DPP10: variants seen among roughly 807,000 people sequenced by gnomAD.
The protein encoded by DPP10 is inactive dipeptidyl peptidase 10.
DPP10 carries 33 observed loss-of-function variants against 120.9 expected under a neutral mutation model. That is an observed-to-expected ratio of 0.27 (90% confidence interval 0.21 to 0.37). The LOEUF is 0.37. Among genes scored for constraint, DPP10 ranks in the 10% least tolerant of loss-of-function variants. DPP10 has a pLI of 1.00. For synonymous variants in DPP10, 337 were observed against 326.1 expected (o/e 1.03, Z -0.36); for missense variants, 816 against 942.8 (o/e 0.87, Z 1.76).
At chr2:115,457,712 A>C (rs1574905764) in intron 3 of DPP10, among the ~76,000 whole-genome samples, 1 of 152,082 alleles carries the variant, frequency 6.6e-6, no homozygotes, top group South Asian at 2.1e-4. Flanking sequence ...ACCTTTATGC[A>C]TTGCTGGTGG....
chr2:114,917,490 G>A lies in DPP10; in HGVS notation c.61-391749G>A, dbSNP rs147142987. On this transcript the variant is annotated intron_variant, in intron 1 of 25. Transcript: ENST00000410059. ...TATTCTAAAACTGAAACCAAAAAAG[G>A]AGCCTGAATAGCCAAAGCAATCCTC... Among the ~76,000 whole-genome samples the A allele has an allele frequency of 2.6e-4, 40 of 152,024 alleles. 1 individual carries two copies. In the East Asian group the frequency reaches 6.2e-3, roughly 24 times the overall value.
intron 3 of DPP10, among the ~76,000 whole-genome samples, chr2:115,376,566 T>G (rs2106432861): frequency 6.6e-6 from 1 of 151,748 alleles, no homozygotes; most frequent in South Asian, 2.1e-4. Context: ...TTATTATTAT[T>G]ATACTTTAAG....
At chr2:114,957,265 G>A (rs1447401307) in intron 1 of DPP10, among the ~76,000 whole-genome samples, 4 of 151,652 alleles carry the variant, frequency 2.6e-5, no homozygotes, top group African/African-American at 7.3e-5. Context: ...AAATGGGCAA[G>A]GGATCTGAAC....
chr2:115,836,166 G>T lies in DPP10; in HGVS notation c.1960G>T (p.Gly654Cys). The T allele has an allele frequency of 6.3e-7, 1 of 1,592,488 alleles. No homozygotes were observed. The stretch of plus-strand genomic sequence containing the variant: ...TATTTTTCCCCCCCAGGGTTATGGT[G>T]GCTATATTGCATCAATGATCTTAAA... ...RLSIFGKGYG[G>C]YIASMILKSD... Residue 654 changes from glycine to cysteine, a missense_variant, in exon 22 of 26, where the codon GGC becomes TGC. Transcript: ENST00000410059.
intron 2 of DPP10, among the ~76,000 whole-genome samples, chr2:115,338,013 ATAAGTTCCAGGGGC>A (rs2063248265): frequency 6.6e-6 from 1 of 152,040 alleles, no homozygotes; most frequent in Admixed American, 6.6e-5. Flanking sequence ...TGGTTTTAGA[ATAAGTTCCAGGGGC>A]AATTGGAGTT....
chr2:114,761,410 G>A (rs1680269930), intron 1 of DPP10, among the ~76,000 whole-genome samples: 1 of 152,136 alleles, frequency 6.6e-6, no homozygotes, highest in African/African-American at 2.4e-5. Context: ...TTCCAGAATA[G>A]TAGAGGCACT....
intron 7 of DPP10, among the ~76,000 whole-genome samples, chr2:115,724,715 G>A (rs2092725646): frequency 6.6e-6 from 1 of 152,198 alleles, no homozygotes; most frequent in East Asian, 1.9e-4. Context: ...AGAAACACCT[G>A]AGACTGGGTA....
At chr2:114,503,363 G>C (rs970742044) in intron 1 of DPP10, among the ~76,000 whole-genome samples, 1 of 152,144 alleles carries the variant, frequency 6.6e-6, no homozygotes, top group African/African-American at 2.4e-5. Flanking sequence ...TCATGAAATG[G>C]ATATACTTTA....
At chr2:114,882,991 C>A (rs1477023926) in intron 1 of DPP10, among the ~76,000 whole-genome samples, 2 of 152,300 alleles carry the variant, frequency 1.3e-5, no homozygotes, top group East Asian at 1.9e-4. Flanking sequence ...TTCATTCTTA[C>A]ATCCATTCTG....
At chr2:115,609,679 T>C (rs2083957509) in intron 5 of DPP10, among the ~76,000 whole-genome samples, 1 of 152,130 alleles carries the variant, frequency 6.6e-6, no homozygotes, top group Non-Finnish European at 1.5e-5. Flanking sequence ...TGGGGATAAA[T>C]TCGTTGTCAT....
chr2:115,653,147 A>G (rs2087957628), intron 5 of DPP10, among the ~76,000 whole-genome samples: 1 of 152,008 alleles, frequency 6.6e-6, no homozygotes, highest in South Asian at 2.1e-4. Flanking sequence ...AAAATTTAAA[A>G]TATTGTGACA....
At chr2:115,511,849 T>C (rs2077248585) in intron 4 of DPP10, among the ~76,000 whole-genome samples, 1 of 150,400 alleles carries the variant, frequency 6.6e-6, no homozygotes, top group Admixed American at 6.7e-5. Flanking sequence ...CACCTCAGCC[T>C]CCTGAGTATC....
At chr2:115,199,242 A>T (rs6726824) in intron 1 of DPP10, among the ~76,000 whole-genome samples, 16 of 152,082 alleles carry the variant, frequency 1.1e-4, no homozygotes, top group Non-Finnish European at 2.2e-4. Flanking sequence ...ATGATAAAAA[A>T]CAGCCACACT....
At chr2:115,729,520 C>T (rs553538071) in intron 8 of DPP10, among the ~76,000 whole-genome samples, 2 of 152,290 alleles carry the variant, frequency 1.3e-5, no homozygotes, top group South Asian at 4.1e-4. Flanking sequence ...AATCTCAGAG[C>T]TGTGGGAGGC....
intron 1 of DPP10, among the ~76,000 whole-genome samples, chr2:115,191,029 C>T (rs1224334197): frequency 6.6e-6 from 1 of 152,120 alleles, no homozygotes; most frequent in Non-Finnish European, 1.5e-5. Context: ...CAATGAAGCA[C>T]ATTTCAAAGG....
At chr2:115,030,078 A>G (rs1703735225) in intron 1 of DPP10, among the ~76,000 whole-genome samples, 1 of 152,142 alleles carries the variant, frequency 6.6e-6, no homozygotes, top group African/African-American at 2.4e-5. Context: ...TTCAACTCAG[A>G]GATACCTCAG....
chr2:114,559,409 T>C (rs2104931158), intron 1 of DPP10, among the ~76,000 whole-genome samples: 1 of 152,308 alleles, frequency 6.6e-6, no homozygotes, highest in African/African-American at 2.4e-5. Context: ...GAATTCCCCC[T>C]TAGAGATTCC....
In DPP10 at chr2:114,972,204, A is replaced by T. The variant is rs528274780; in HGVS notation, c.61-337035A>T. On this transcript the variant is annotated intron_variant, in intron 1 of 25. Coordinates refer to ENST00000410059, the MANE Select transcript of DPP10 (RefSeq NM_020868.6). Reference sequence around the variant, plus strand: ...CTCATTAATTTTCCTGACAAGCGCTAGTTTACATAGAAATGGTTGAGTCCA... The same window carrying T: ...CTCATTAATTTTCCTGACAAGCGCTTGTTTACATAGAAATGGTTGAGTCCA... Among the ~76,000 whole-genome samples, 4 of 152,274 alleles carry T rather than the reference A, an allele frequency of 2.6e-5. No individual in the cohort carries two copies. In the South Asian group the frequency reaches 8.3e-4, roughly 32 times the overall value.
intron 1 of DPP10, among the ~76,000 whole-genome samples, chr2:115,245,250 G>A (rs2058481388): frequency 2.0e-5 from 3 of 151,812 alleles, no homozygotes; most frequent in Admixed American, 2.0e-4. Context: ...TTGGTGAATG[G>A]GCATTTAGGC....
Sources: gnomAD v4.1 joint callset for allele counts (sites outside exome capture counted in the v4.1 genomes callset) on GRCh38, gnomAD v4.1.1 for gene constraint, MANE v1.5 for transcripts, NCBI Gene and HGNC (gene_info 2026-07-23, HGNC 2026-07-21) for gene names.